The following CTNND2 variants were observed in gnomAD, a reference collection of about 807,000 sequenced individuals.
CTNND2 encodes catenin delta 2.
In CTNND2, 22 loss-of-function variants were observed where a neutral mutation model predicts 144.4. That is an observed-to-expected ratio of 0.15 (90% CI 0.11 to 0.22). The LOEUF (loss-of-function observed/expected upper bound fraction) is 0.22, where lower values mean the gene tolerates loss of function less well. CTNND2 is among the 10% of genes least tolerant of loss of function. CTNND2 has a pLI of 1.00. For synonymous variants in CTNND2, 751 were observed against 695.6 expected (o/e 1.08, Z -1.25); for missense variants, 1,353 against 1,618.8 (o/e 0.84, Z 2.82).
At position 11,411,634 on chromosome 5, in the gene CTNND2, T is replaced by A; in HGVS notation, c.341A>T (p.Glu114Val). ...CTCGAGACCTGTTGTAAGCTCATCTTCGATATCTTTTTGACCATCTGAAAT... is the reference window on the plus strand; with the variant it reads ...CTCGAGACCTGTTGTAAGCTCATCTACGATATCTTTTTGACCATCTGAAAT... The part of the protein sequence containing the change: ...WQSQDGQKDI[E>V]DELTTGLELV... The change falls in exon 5 of 22, where the codon GAA becomes GTA. Residue 114 changes from glutamate (E) to valine (V), a missense_variant. By Grantham distance (121) the Glu-to-Val change is moderately radical (BLOSUM62 -2). Coordinates refer to ENST00000304623, the MANE Select transcript of CTNND2 (RefSeq NM_001332.4). 6.2e-7 allele frequency: 1 copy of A among 1,607,402 alleles called. No individual in the cohort carries two copies. Among genetic ancestry groups the A allele is most frequent in the Non-Finnish European group, 8.5e-7 (1 of 1,174,650 alleles).
intron 3 of CTNND2, among the ~76,000 whole-genome samples, chr5:11,492,115 A>C (rs2149994778): frequency 6.6e-6 from 1 of 152,320 alleles, no homozygotes; most frequent in South Asian, 2.1e-4. Flanking sequence ...ACTACCATGC[A>C]CACATCCCAT....
rs1189701479 is a variant in CTNND2 at position 11,824,093 on chromosome 5, CA to C, written c.37+79723del. Among the ~76,000 whole-genome samples, 585 of 58,898 alleles carry C rather than the reference CA, an allele frequency of 9.9e-3. 2 individuals carry two copies. The highest frequency in any genetic ancestry group is 0.026 in the African/African-American group (479 of 18,238). 38.6% of individuals were successfully genotyped at this position (58,898 alleles called of 152,430 possible). A position where few individuals can be genotyped will look rare whatever the true frequency, so the allele number is the denominator to read the frequency against. ...ACTCCAGCATGGCAACAGAGTGTCT[CA>C]AAAAAAAAAAAAAAAAAAACCATGG... On this transcript the variant is annotated intron_variant, in intron 1 of 21. Coordinates refer to ENST00000304623, the MANE Select transcript of CTNND2 (RefSeq NM_001332.4).
chr5:11,763,417 C>A (rs1246575055), intron 1 of CTNND2, among the ~76,000 whole-genome samples: 1 of 152,156 alleles, frequency 6.6e-6, no homozygotes, highest in Admixed American at 6.5e-5. Context: ...AGTCAATGGA[C>A]TAAAAACTCC....
chr5:11,297,467 A>G, intron 9 of CTNND2, among the ~76,000 whole-genome samples: 1 of 152,242 alleles, frequency 6.6e-6, no homozygotes, highest in East Asian at 1.9e-4. Context: ...AGACATTTGC[A>G]AAATTATAAA....
intron 1 of CTNND2, among the ~76,000 whole-genome samples, chr5:11,813,772 C>T (rs1381707242): frequency 6.6e-6 from 1 of 152,202 alleles, no homozygotes; most frequent in Non-Finnish European, 1.5e-5. Context: ...CCTCGACCTC[C>T]CAAAGCACTG....
At chr5:11,701,776 T>C (rs1785445247) in intron 2 of CTNND2, among the ~76,000 whole-genome samples, 1 of 152,238 alleles carries the variant, frequency 6.6e-6, no homozygotes. Context: ...TATTTATTTG[T>C]ATAATTTTTA....
intron 1 of CTNND2, among the ~76,000 whole-genome samples, chr5:11,750,022 G>A (rs890262990): frequency 2.0e-5 from 3 of 151,960 alleles, no homozygotes; most frequent in Non-Finnish European, 4.4e-5. Context: ...TCACACTGAA[G>A]CCAGTATTCT....
intron 1 of CTNND2, 67 bp from the exon 2 acceptor site, chr5:11,732,339 C>A: frequency 6.7e-7 from 1 of 1,487,552 alleles, no homozygotes; most frequent in Non-Finnish European, 9.2e-7. Flanking sequence ...ACTATCAGAC[C>A]ACTTTGAAGA....
intron 2 of CTNND2, among the ~76,000 whole-genome samples, chr5:11,655,062 T>C (rs775482977): frequency 2.0e-5 from 3 of 152,126 alleles, no homozygotes; most frequent in East Asian, 1.9e-4. Flanking sequence ...ATTCTAATCG[T>C]TTATCAGTCA....
At chr5:11,869,306 A>C (rs555087253) in intron 1 of CTNND2, among the ~76,000 whole-genome samples, 1 of 152,344 alleles carries the variant, frequency 6.6e-6, no homozygotes, top group African/African-American at 2.4e-5. Context: ...ACAATTGCCA[A>C]AAGGTGAAAG....
intron 1 of CTNND2, among the ~76,000 whole-genome samples, chr5:11,761,446 C>A (rs1266012811): frequency 6.6e-6 from 1 of 152,026 alleles, no homozygotes; most frequent in African/African-American, 2.4e-5. Flanking sequence ...CATTGATATT[C>A]TGAACAAAGT....
chr5:11,507,712 C>G (rs1561490581), intron 3 of CTNND2, among the ~76,000 whole-genome samples: 2 of 152,160 alleles, frequency 1.3e-5, no homozygotes, highest in Non-Finnish European at 2.9e-5. Flanking sequence ...AGCACAGGGT[C>G]CTGTCCCACA....
At chr5:11,759,809 T>C (rs1335020530) in intron 1 of CTNND2, among the ~76,000 whole-genome samples, 1 of 152,096 alleles carries the variant, frequency 6.6e-6, no homozygotes. Context: ...GTACTTCTAT[T>C]ATTATCCTCT....
intron 2 of CTNND2, among the ~76,000 whole-genome samples, chr5:11,602,092 C>T (rs1336124017): frequency 6.6e-6 from 1 of 152,004 alleles, no homozygotes; most frequent in Non-Finnish European, 1.5e-5. Flanking sequence ...ATGTAAAGCA[C>T]TATGGGATAC....
intron 8 of CTNND2, among the ~76,000 whole-genome samples, chr5:11,363,860 G>A (rs531151769): frequency 8.5e-5 from 13 of 152,260 alleles, no homozygotes; most frequent in African/African-American, 2.9e-4. Flanking sequence ...AGTCCCTGCC[G>A]GAGCTCATAT....
Position 11,432,576 on chromosome 5 carries a change from C to G in CTNND2, c.288-20507G>C, listed in dbSNP as rs553658257. 4.6e-5 allele frequency among the ~76,000 whole-genome samples: 7 copies of G among 152,176 alleles called. No homozygotes were observed. In the East Asian group the frequency reaches 1.4e-3, roughly 29 times the overall value. ...CTGTGAAATATTTCTTTTAGTTCTG[C>G]TGTGGTGGTGAAGCGGGAGGGGATG... On this transcript the variant is annotated intron_variant, in intron 3 of 21. Coordinates refer to ENST00000304623, the MANE Select transcript of CTNND2 (RefSeq NM_001332.4).
At chr5:11,462,101 G>C (rs924248186) in intron 3 of CTNND2, among the ~76,000 whole-genome samples, 3 of 152,066 alleles carry the variant, frequency 2.0e-5, no homozygotes, top group Non-Finnish European at 4.4e-5. Flanking sequence ...TTTGGTCTCA[G>C]TGCTCACAAA....
chr5:11,065,003 G>T (rs1239831516), intron 16 of CTNND2, among the ~76,000 whole-genome samples: 2 of 152,176 alleles, frequency 1.3e-5, no homozygotes, highest in East Asian at 3.8e-4. Flanking sequence ...GGTTGTTCTT[G>T]TTACTGCTAG....
chr5:10,980,508 A>G (rs762468082), intron 21 of CTNND2, among the ~76,000 whole-genome samples: 28 of 152,308 alleles, frequency 1.8e-4, no homozygotes, highest in Non-Finnish European at 3.7e-4. Flanking sequence ...AGGATTTAGA[A>G]CCAGAAATAC....
Sources: gnomAD v4.1 joint callset for allele counts (sites outside exome capture counted in the v4.1 genomes callset) on GRCh38, gnomAD v4.1.1 for gene constraint, MANE v1.5 for transcripts, NCBI Gene and HGNC (gene_info 2026-07-23, HGNC 2026-07-21) for gene names.